LDB1: variants seen among roughly 807,000 people sequenced by gnomAD.
LDB1 encodes the protein LIM domain binding 1, also known as LIM domain-binding protein 1.
A neutral mutation model predicts 49.7 loss-of-function variants in LDB1; 6 were observed. The observed-to-expected ratio is 0.12, with a 90% confidence interval of 0.07 to 0.24. The LOEUF is 0.24. LDB1 is among the 10% of genes least tolerant of loss of function. The pLI is 1.00. For missense variants in LDB1, 341 were observed against 561.7 expected (o/e 0.61, Z 3.97); for synonymous variants, 233 against 202.0 (o/e 1.15, Z -1.30).
In LDB1 at chr10:102,110,653, C is replaced by G; in HGVS notation, c.401G>C (p.Gly134Ala). Residue 134 changes from glycine (G) to alanine (A), a missense_variant, in exon 6 of 11, where the codon GGG (glycine) becomes GCG (alanine). Physicochemically the swap from Gly to Ala is moderately conservative, Grantham distance 60. This residue lies in a region of LDB1 where 233 missense variants were observed against 385.7 expected (regional missense o/e 0.60). Transcript: ENST00000673968. ...IPRYFRSIFE[G>A]GATELYYVLK... Reference sequence around the variant, plus strand: ...AACATAGTACAGCTCCGTAGCACCCCCCTCAAAGATGCTGCGGAAGTAGCG... The same window carrying G: ...AACATAGTACAGCTCCGTAGCACCCGCCTCAAAGATGCTGCGGAAGTAGCG... The G allele has an allele frequency of 1.2e-6, 2 of 1,613,888 alleles. No individual in the cohort carries two copies. The highest frequency in any genetic ancestry group is 1.7e-6 in the Non-Finnish European group (2 of 1,179,880).
rs1393827153 is a variant in LDB1 at position 102,109,817 on chromosome 10, C to A, written c.648+104G>T. 2.6e-6 allele frequency: 4 copies of A among 1,565,046 alleles called. No individual in the cohort carries two copies. Among genetic ancestry groups the A allele is most frequent in the Non-Finnish European group, 3.5e-6 (4 of 1,145,272 alleles). On this transcript the variant is annotated intron_variant, in intron 7 of 10. Transcript: ENST00000673968. The surrounding 1 kb of genome is among the most constrained non-coding windows in gnomAD (Gnocchi z 5.8). ...TAAACCTGCTGTTCAGATGAAGAAA[C>A]CCTAACCCTCTGTCTAAGTAGTCAG...
In LDB1 at chr10:102,120,327, C is replaced by T. The variant is rs1404079511; in HGVS notation, c.-217G>A. ...GGAAGCCAGGCAGGAAGGCGAGCGGCCTCTGCGTGTGTGCGCGCGGGTGTG... is the reference window on the plus strand; with the variant it reads ...GGAAGCCAGGCAGGAAGGCGAGCGGTCTCTGCGTGTGTGCGCGCGGGTGTG... On this transcript the variant is annotated 5_prime_UTR_variant, in exon 1 of 11. Coordinates refer to ENST00000673968, the MANE Select transcript of LDB1 (RefSeq NM_001113407.3). 13 of 984,540 alleles carry T rather than the reference C, an allele frequency of 1.3e-5. No individual in the cohort carries two copies. Among genetic ancestry groups the T allele is most frequent in the Non-Finnish European group, 1.6e-5 (13 of 829,856 alleles). The allele number at this position is 984,540 out of a possible 1,614,324, so 61.0% of individuals were successfully genotyped here.
chr10:102,103,858 GCTAGT>G (rs1331494979), downstream of LDB1, among the ~76,000 whole-genome samples: 2 of 151,818 alleles, frequency 1.3e-5, no homozygotes, highest in East Asian at 3.9e-4. Flanking sequence ...TATTGCCCAG[GCTAGT>G]CTTGAACTCC....
rs900036502 is a variant in LDB1, at chr10:102,109,809, T to A, written c.648+112A>T. ...TCTCTTATTAAACCTGCTGTTCAGA[T>A]GAAGAAACCCTAACCCTCTGTCTAA... On this transcript the variant is annotated intron_variant, in intron 7 of 10. Transcript: ENST00000673968. The surrounding 1 kb of genome is among the most constrained non-coding windows in gnomAD (Gnocchi z 5.8). 4.5e-6 allele frequency: 7 copies of A among 1,560,842 alleles called. No homozygotes were observed. The highest frequency in any genetic ancestry group is 5.3e-6 in the Non-Finnish European group (6 of 1,140,050).
At chr10:102,108,831 G>T in intron 10 of LDB1, 198 bp downstream of exon 10, 1 of 679,948 alleles carries the variant, frequency 1.5e-6, no homozygotes, top group Non-Finnish European at 2.6e-6. Context: ...AGCTTCCTAT[G>T]GCTGAGTCTG....
rs143077329 is a variant in LDB1 at position 102,111,846 on chromosome 10, G to C, written c.26-310C>G. Among the ~76,000 whole-genome samples, 16 of 152,236 alleles carry C rather than the reference G, an allele frequency of 1.1e-4. No homozygotes were observed. In the East Asian group the frequency reaches 2.5e-3, roughly 24 times the overall value. ...AGCCTGGACAACAGAGTGAGACCCT[G>C]TCTCAAAAAGAAAAAGGAGTCCCCT... On this transcript the variant is annotated intron_variant, in intron 1 of 10. Coordinates refer to ENST00000673968, the MANE Select transcript of LDB1 (RefSeq NM_001113407.3).
At chr10:102,105,814 A>T (rs1425371867), downstream of LDB1, among the ~76,000 whole-genome samples, 3 of 151,530 alleles carry the variant, frequency 2.0e-5, no homozygotes, top group African/African-American at 7.3e-5. Flanking sequence ...AAAAAAAAAA[A>T]AAAAATACAA....
At chr10:102,114,881 C>CA in intron 1 of LDB1, 1 of 980,774 alleles carries the variant, frequency 1.0e-6, no homozygotes, top group Non-Finnish European at 1.2e-6. Flanking sequence ...ACCCGGCACT[C>CA]ACACTCACTC....
downstream of LDB1, among the ~76,000 whole-genome samples, chr10:102,105,572 C>T (rs973617193): frequency 3.3e-4 from 50 of 152,066 alleles, no homozygotes; most frequent in Non-Finnish European, 6.3e-4. Context: ...CAATCTACAG[C>T]GGGGTCTCCA....
downstream of LDB1, among the ~76,000 whole-genome samples, chr10:102,104,424 C>A (rs2068139228): frequency 6.6e-6 from 1 of 152,170 alleles, no homozygotes. Flanking sequence ...CCTAGCTCAG[C>A]AGCACAAAGC....
rs568784365 is a variant in LDB1, at chr10:102,114,516, G to A, written c.26-2980C>T. The A allele has an allele frequency of 2.7e-4, 269 of 986,162 alleles. No individual in the cohort carries two copies. The African/African-American group carries it at 4.3e-3, about 16-fold the overall frequency. The allele number at this position is 986,162 out of a possible 1,614,324, so 61.1% of individuals were successfully genotyped here. Reference sequence around the variant, plus strand: ...GGACAACTTCAGCAGCTCATGTCCCGAGTGGGACGGGCAGGCCCGACTGGG... The same window carrying A: ...GGACAACTTCAGCAGCTCATGTCCCAAGTGGGACGGGCAGGCCCGACTGGG... On this transcript the variant is annotated intron_variant, in intron 1 of 10. Coordinates refer to ENST00000673968, the MANE Select transcript of LDB1 (RefSeq NM_001113407.3).
At chr10:102,114,815 C>A in intron 1 of LDB1, 4 of 502,968 alleles carry the variant, frequency 8.0e-6, no homozygotes, top group South Asian at 8.5e-5. Context: ...CCGAGCAGCC[C>A]GCCCGCCCTC....
rs1293439549 is a variant in LDB1, at chr10:102,107,966, TC to T, written c.*126del. ...ACCTGCCCCCAGAGAGTCCAGTTCC[TC>T]CCTGAAGCGGGTGGATGGAGGCTGC... On this transcript the variant is annotated 3_prime_UTR_variant, in exon 11 of 11. Transcript: ENST00000673968. The T allele has an allele frequency of 5.0e-6, 4 of 805,498 alleles. No individual in the cohort carries two copies. The African/African-American group carries it at 6.8e-5, about 14-fold the overall frequency. The allele number at this position is 805,498 out of a possible 1,614,324, so 49.9% of individuals were successfully genotyped here. A position where few individuals can be genotyped will look rare whatever the true frequency, so the allele number is the denominator to read the frequency against.
At chr10:102,108,689 T>A (rs986941885) in intron 10 of LDB1, among the ~76,000 whole-genome samples, 3 of 152,206 alleles carry the variant, frequency 2.0e-5, no homozygotes, top group Non-Finnish European at 1.5e-5. Context: ...AGGGTATGTA[T>A]TCTGGATCTG....
At chr10:102,108,355 G>A (rs1275105628) in intron 10 of LDB1, 32 bp from the exon 11 acceptor site, 8 of 1,580,226 alleles carry the variant, frequency 5.1e-6, no homozygotes, top group African/African-American at 1.4e-5. Context: ...AAACATAATC[G>A]GGGCAAGGGC....
Position 102,110,052 on chromosome 10 carries a change from A to G in LDB1, c.526-9T>C. Reference sequence around the variant, plus strand: ...CGGCCCTCCACACACACCTGGGGACAGGCTTGTCAGAACCCTGCCCCCTCC... The same window carrying G: ...CGGCCCTCCACACACACCTGGGGACGGGCTTGTCAGAACCCTGCCCCCTCC... On this transcript the variant is annotated splice_polypyrimidine_tract_variant and intron_variant, in intron 6 of 10. Coordinates refer to ENST00000673968, the MANE Select transcript of LDB1 (RefSeq NM_001113407.3). The G allele has an allele frequency of 6.2e-7, 1 of 1,610,070 alleles. No homozygotes were observed. The highest frequency in any genetic ancestry group is 8.5e-7 in the Non-Finnish European group (1 of 1,177,410).
In LDB1 at chr10:102,107,782, A is replaced by C. The variant is rs1177385200; in HGVS notation, c.*311T>G. On this transcript the variant is annotated 3_prime_UTR_variant, in exon 11 of 11. Coordinates refer to ENST00000673968, the MANE Select transcript of LDB1 (RefSeq NM_001113407.3). ...AAAGTCAGGGGGATGGGAAACCCACAATCTGGGGTGAAGATGGAGGCAAAT... is the reference window on the plus strand; with the variant it reads ...AAAGTCAGGGGGATGGGAAACCCACCATCTGGGGTGAAGATGGAGGCAAAT... 7.1e-6 allele frequency: 3 copies of C among 424,754 alleles called. No individual in the cohort carries two copies. The highest frequency in any genetic ancestry group is 2.0e-5 in the African/African-American group (1 of 50,084). The allele number at this position is 424,754 out of a possible 1,614,324, so 26.3% of individuals were successfully genotyped here.
chr10:102,116,543 A>C (rs1267992220), intron 1 of LDB1, among the ~76,000 whole-genome samples: 1 of 152,082 alleles, frequency 6.6e-6, no homozygotes, highest in Non-Finnish European at 1.5e-5. Context: ...ACACACACAC[A>C]CAGTCTAAGT....
At chr10:102,113,050 T>G (rs2068278130) in intron 1 of LDB1, among the ~76,000 whole-genome samples, 1 of 152,206 alleles carries the variant, frequency 6.6e-6, no homozygotes, top group Non-Finnish European at 1.5e-5. Flanking sequence ...CGACTGCATT[T>G]GGAAGGGTAG....
Sources: allele counts gnomAD v4.1 joint callset (sites outside exome capture counted in the v4.1 genomes callset), GRCh38; gene constraint gnomAD v4.1.1; regional missense constraint gnomAD v4.1.1; non-coding constraint Gnocchi (gnomAD v3.1); transcripts MANE v1.5; gene names NCBI Gene and HGNC (gene_info 2026-07-23, HGNC 2026-07-21).